RBFOX1: variants seen among roughly 807,000 people sequenced by gnomAD.
RBFOX1 encodes the protein RNA binding protein fox-1 homolog 1.
RBFOX1 carries 8 observed loss-of-function variants against 57.7 expected under a neutral mutation model. The ratio of observed to expected loss-of-function variants is 0.14; its 90% CI spans 0.08 to 0.25. The LOEUF is 0.25. Ranked by LOEUF, RBFOX1 falls within the 10% of genes least tolerant of loss-of-function variation. The probability of loss-of-function intolerance (pLI) is 1.00; values close to 1 mark genes in which losing one functional copy is unlikely to be tolerated. For synonymous variants in RBFOX1, 326 were observed against 222.4 expected (o/e 1.47, Z -4.15); for missense variants, 611 against 548.5 (o/e 1.11, Z -1.14).
At chr16:5,707,745 G>C (rs967896937) in intron 3 of RBFOX1, among the ~76,000 whole-genome samples, 6 of 152,160 alleles carry the variant, frequency 3.9e-5, no homozygotes, top group African/African-American at 1.4e-4. Flanking sequence ...TACCTTATTG[G>C]GTTCCTTGGG....
chr16:5,912,370 G>A (rs143318501), intron 4 of RBFOX1, among the ~76,000 whole-genome samples: 15 of 152,256 alleles, frequency 9.9e-5, no homozygotes, highest in South Asian at 4.2e-4. Flanking sequence ...ATTTAGCTGC[G>A]CCTGGGAGAA....
At chr16:6,748,460 A>G (rs2074246477) in intron 3 of RBFOX1, among the ~76,000 whole-genome samples, 1 of 152,172 alleles carries the variant, frequency 6.6e-6, no homozygotes, top group African/African-American at 2.4e-5. Flanking sequence ...CAGGAGTTCA[A>G]GACCAGCCTG....
chr16:5,994,725 A>G (rs1200162167), intron 4 of RBFOX1, among the ~76,000 whole-genome samples: 1 of 152,180 alleles, frequency 6.6e-6, no homozygotes, highest in Admixed American at 6.5e-5. Flanking sequence ...ATCAGGTGGC[A>G]CGCTGGATTT....
intron 1 of RBFOX1, among the ~76,000 whole-genome samples, chr16:6,047,199 CATG>C (rs1195117519): frequency 6.6e-6 from 1 of 152,206 alleles, no homozygotes; most frequent in Admixed American, 6.5e-5. Flanking sequence ...TTTGTAAACA[CATG>C]ATGATGTCAG....
At chr16:6,763,522 G>T (rs964899918) in intron 3 of RBFOX1, among the ~76,000 whole-genome samples, 4 of 152,112 alleles carry the variant, frequency 2.6e-5, no homozygotes, top group African/African-American at 9.7e-5. Context: ...TGGTTGACTT[G>T]GGTTATAGCA....
At chr16:5,808,917 C>G (rs571530113) in intron 3 of RBFOX1, among the ~76,000 whole-genome samples, 2 of 152,152 alleles carry the variant, frequency 1.3e-5, no homozygotes, top group East Asian at 3.9e-4. Flanking sequence ...TTGTTTCCTT[C>G]TCCTGCCTAA....
chr16:5,921,374 G>A (rs2058817644), intron 4 of RBFOX1, among the ~76,000 whole-genome samples: 1 of 152,132 alleles, frequency 6.6e-6, no homozygotes, highest in Non-Finnish European at 1.5e-5. Context: ...TACTTAAGAT[G>A]CAAGGTGGAA....
intron 2 of RBFOX1, among the ~76,000 whole-genome samples, chr16:5,554,220 G>C (rs2342527): frequency 0.84 from 127,205 of 152,050 alleles, 53,777 homozygotes; most frequent in East Asian, 0.99. Flanking sequence ...ATCTGCCCAC[G>C]TTGATCTCCG....
chr16:5,466,944 T>C (rs760380976), intron 1 of RBFOX1, among the ~76,000 whole-genome samples: 2 of 152,210 alleles, frequency 1.3e-5, no homozygotes, highest in Non-Finnish European at 2.9e-5. Flanking sequence ...CATTTATTAT[T>C]AATAGTTATT....
chr16:7,664,006 C>T (rs1011538515), intron 12 of RBFOX1, among the ~76,000 whole-genome samples: 1 of 152,180 alleles, frequency 6.6e-6, no homozygotes, highest in Non-Finnish European at 1.5e-5. Flanking sequence ...ATGGTCACTA[C>T]ATGGGTGGCA....
intron 4 of RBFOX1, among the ~76,000 whole-genome samples, chr16:7,084,820 C>G (rs1175290105): frequency 6.6e-6 from 1 of 152,212 alleles, no homozygotes; most frequent in Non-Finnish European, 1.5e-5. Flanking sequence ...TCATGTCTGT[C>G]TGTATCTGGC....
intron 3 of RBFOX1, among the ~76,000 whole-genome samples, chr16:7,024,245 G>C (rs1272301544): frequency 6.6e-6 from 1 of 152,070 alleles, no homozygotes; most frequent in East Asian, 1.9e-4. Context: ...TCGTGCTCTG[G>C]ACATGAATGC....
At chr16:5,847,779 C>G (rs2056794316) in intron 3 of RBFOX1, among the ~76,000 whole-genome samples, 1 of 152,058 alleles carries the variant, frequency 6.6e-6, no homozygotes, top group Non-Finnish European at 1.5e-5. Context: ...TTATAGCCAC[C>G]TCTTAGGGTC....
intron 4 of RBFOX1, among the ~76,000 whole-genome samples, chr16:7,337,250 G>C (rs2096806283): frequency 6.6e-6 from 1 of 152,138 alleles, no homozygotes; most frequent in Non-Finnish European, 1.5e-5. Flanking sequence ...TCTAGGTTGA[G>C]GTATTCAGGC....
chr16:7,130,159 A>G (rs1169375488), intron 4 of RBFOX1, among the ~76,000 whole-genome samples: 1 of 151,372 alleles, frequency 6.6e-6, no homozygotes, highest in East Asian at 2.0e-4. Context: ...CAGCCTTCCA[A>G]GTAGTTGGAA....
intron 4 of RBFOX1, among the ~76,000 whole-genome samples, chr16:7,158,869 T>A (rs897666833): frequency 6.6e-6 from 1 of 152,052 alleles, no homozygotes; most frequent in Non-Finnish European, 1.5e-5. Flanking sequence ...GTGTGTATGG[T>A]TTCTGTGGTG....
intron 3 of RBFOX1, among the ~76,000 whole-genome samples, chr16:6,694,385 A>G (rs1416251014): frequency 6.6e-6 from 1 of 152,212 alleles, no homozygotes; most frequent in Non-Finnish European, 1.5e-5. Flanking sequence ...TTCTCATCCA[A>G]ATTCCACTAT....
intron 2 of RBFOX1, among the ~76,000 whole-genome samples, chr16:5,547,993 C>G (rs1032243116): frequency 6.0e-5 from 9 of 151,250 alleles, no homozygotes; most frequent in Non-Finnish European, 1.2e-4. Context: ...AACCCTGTCT[C>G]TACTAAAAAT....
intron 3 of RBFOX1, among the ~76,000 whole-genome samples, chr16:7,036,624 C>T (rs59037641): frequency 0.036 from 5,444 of 151,710 alleles, 345 homozygotes; most frequent in African/African-American, 0.12. Flanking sequence ...AACCGTAAGG[C>T]GGAGGTTGCA....
Sources: gnomAD v4.1 joint callset for allele counts (sites outside exome capture counted in the v4.1 genomes callset) on GRCh38, gnomAD v4.1.1 for gene constraint, MANE v1.5 for transcripts, NCBI Gene and HGNC (gene_info 2026-07-23, HGNC 2026-07-21) for gene names.